Variants in CLSTN3 observed in about 807,000 individuals in gnomAD.
CLSTN3 encodes the protein calsyntenin 3.
A neutral mutation model predicts 95.9 loss-of-function variants in CLSTN3; 36 were observed. The observed-to-expected ratio is 0.38, with a 90% CI of 0.29 to 0.50. The LOEUF (loss-of-function observed/expected upper bound fraction) is 0.50. Ranked by LOEUF, CLSTN3 falls within the 20% of genes least tolerant of loss-of-function variation. The pLI, the probability that CLSTN3 is intolerant of heterozygous loss-of-function variation, is 0.95. For synonymous variants in CLSTN3, 481 were observed against 504.0 expected, an observed-to-expected ratio of 0.95 and a Z score of 0.61; for missense variants, 1,084 against 1,268.8, an observed-to-expected ratio of 0.85 and a Z score of 2.21.
chr12:7,137,793 T>TGAGAGA lies in CLSTN3; in HGVS notation c.1211-161_1211-160insAGAGAG, dbSNP rs1203227161. Among the ~76,000 whole-genome samples the TGAGAGA allele has an allele frequency of 8.4e-5, 6 of 71,334 alleles. No individual in the cohort carries two copies. The highest frequency in any genetic ancestry group is 5.3e-4 in the South Asian group (1 of 1,888). 46.8% of individuals were successfully genotyped at this position (71,334 alleles called of 152,430 possible). A position where few individuals can be genotyped will look rare whatever the true frequency, so the allele number is the denominator to read the frequency against. Reference sequence around the variant, plus strand: ...GTGTGTGTGTGTGTGTGTGTGTGTGTGTGAGAGAGAGAGAGAGAGAGAGAG... The same window carrying TGAGAGA: ...GTGTGTGTGTGTGTGTGTGTGTGTGTGAGAGAGTGAGAGAGAGAGAGAGAGAGAGAG... On this transcript the variant is annotated intron_variant, in intron 7 of 17. Coordinates refer to ENST00000266546, the MANE Select transcript of CLSTN3 (RefSeq NM_014718.4). This position sits in a 1 kb window ranked among gnomAD's most constrained non-coding sequence, Gnocchi z 4.4.
rs1429376870 is a variant in CLSTN3, at chr12:7,137,961, G to A, written c.1217G>A (p.Gly406Asp). ...CCCCTTCCTGTGCCCTCAGAGGACG[G>A]CTTCTCTCACTACTCGCTGACTGTC... ...IVCNTVQNED[G>D]FSHYSLTVHG... is the part of the protein sequence containing the mutation. The change falls in exon 8 of 18, where the codon GGC (glycine) becomes GAC (aspartate). Residue 406 changes from glycine (G) to aspartate (D), a missense_variant. Physicochemically the swap from Gly to Asp is moderately conservative, Grantham distance 94. Coordinates refer to ENST00000266546, the MANE Select transcript of CLSTN3 (RefSeq NM_014718.4). This position sits in a 1 kb window ranked among gnomAD's most constrained non-coding sequence, Gnocchi z 4.4. 3.1e-6 allele frequency: 5 copies of A among 1,613,486 alleles called. No individual in the cohort carries two copies.
intron 6 of CLSTN3, among the ~76,000 whole-genome samples, 175 bp from the exon 7 acceptor site, chr12:7,136,654 G>A (rs968910582): frequency 1.3e-5 from 2 of 152,226 alleles, no homozygotes; most frequent in South Asian, 4.1e-4. Context: ...GGGTTAACTG[G>A]AGAGATACTC....
rs1435615019 is a variant in CLSTN3, at chr12:7,135,519, C to A, written c.576C>A (p.Phe192Leu). Residue 192 changes from phenylalanine (F) to leucine (L), a missense_variant, in exon 4 of 18, where the codon TTC becomes TTA. Physicochemically the swap from Phe to Leu is conservative, Grantham distance 22. Transcript: ENST00000266546. The part of the protein sequence containing the change: ...YYEILTPNTP[F>L]LIDNDGNIEN... ...AGATTCTCACACCCAACACCCCTTT[C>A]CTCATTGACAATGACGGTGAGTCCA... 6.2e-7 allele frequency: 1 copy of A among 1,614,016 alleles called. No individual in the cohort carries two copies. Among genetic ancestry groups the A allele is most frequent in the Non-Finnish European group, 8.5e-7 (1 of 1,180,012 alleles).
chr12:7,134,673 C>G (rs918483839), intron 3 of CLSTN3, among the ~76,000 whole-genome samples: 1 of 152,236 alleles, frequency 6.6e-6, no homozygotes, highest in African/African-American at 2.4e-5. Flanking sequence ...TGCCATTTCC[C>G]TTCTTATGGC....
upstream of CLSTN3, chr12:7,130,321 A>T: frequency 3.2e-6 from 2 of 624,782 alleles, no homozygotes; most frequent in Non-Finnish European, 4.1e-6. Context: ...CCTCCCAGTC[A>T]CCTGATTGGC....
chr12:7,151,225 C>G (rs954798403), intron 16 of CLSTN3, 162 bp downstream of exon 16: 1 of 697,140 alleles, frequency 1.4e-6, no homozygotes, highest in Non-Finnish European at 2.2e-6. Flanking sequence ...GGACCAATCC[C>G]TCTCTCCCTT....
rs1372493476 is a variant in CLSTN3 at position 7,156,820 on chromosome 12, G to A, written c.2528-669G>A. ...GCCAGAAGCATGGGAGAGCCACGGGGGAGGCAGGTATGCCTCAGGGGGAGA... is the reference window on the plus strand; with the variant it reads ...GCCAGAAGCATGGGAGAGCCACGGGAGAGGCAGGTATGCCTCAGGGGGAGA... On this transcript the variant is annotated intron_variant, in intron 16 of 17. Coordinates refer to ENST00000266546, the MANE Select transcript of CLSTN3 (RefSeq NM_014718.4). 2.6e-5 allele frequency: 12 copies of A among 455,774 alleles called. No homozygotes were observed. In the East Asian group the frequency reaches 7.6e-4, roughly 29 times the overall value. The allele number at this position is 455,774 out of a possible 1,614,324, so 28.2% of individuals were successfully genotyped here. A position where few individuals can be genotyped will look rare whatever the true frequency, so the allele number is the denominator to read the frequency against.
rs1021536695 is a variant in CLSTN3, at chr12:7,150,701, G to A, written c.2391+12G>A. On this transcript the variant is annotated intron_variant, in intron 15 of 17. Coordinates refer to ENST00000266546, the MANE Select transcript of CLSTN3 (RefSeq NM_014718.4). This position sits in a 1 kb window ranked among gnomAD's most constrained non-coding sequence, Gnocchi z 4.0. ...AATTCATCGTGGAGGTACCCAGAGA[G>A]TCTCCTTCCTTCCACAGTTACCCAC... 3 of 1,610,280 alleles carry A rather than the reference G, an allele frequency of 1.9e-6. No individual in the cohort carries two copies. Among genetic ancestry groups the A allele is most frequent in the African/African-American group, 1.3e-5 (1 of 74,898 alleles).
chr12:7,131,717 C>T, intron 1 of CLSTN3: 1 of 452,774 alleles, frequency 2.2e-6, no homozygotes, highest in Non-Finnish European at 4.4e-6. Flanking sequence ...GCTCTCTCTT[C>T]CTTGCCTGCA....
intron 10 of CLSTN3, among the ~76,000 whole-genome samples, chr12:7,142,523 C>G (rs375666617): frequency 6.6e-6 from 1 of 152,154 alleles, no homozygotes; most frequent in South Asian, 2.1e-4. Flanking sequence ...CCGCCTCCCC[C>G]TCCCTCCTTG....
chr12:7,147,715 A>G (rs1199926615), intron 12 of CLSTN3, among the ~76,000 whole-genome samples: 5 of 151,654 alleles, frequency 3.3e-5, no homozygotes, highest in Non-Finnish European at 5.9e-5. Flanking sequence ...GGGTTTCACT[A>G]TGTTGCCCAG....
In CLSTN3 at chr12:7,130,404, A is replaced by G. The variant is rs1939273140; in HGVS notation, c.-245A>G. On this transcript the variant is annotated 5_prime_UTR_variant, in exon 1 of 18. Coordinates refer to ENST00000266546, the MANE Select transcript of CLSTN3 (RefSeq NM_014718.4). ...GTAGCGGGGTTGGGGTGGGAGTGAG[A>G]GAGTGAGGACGCTGGGCTGGGGGAA... The G allele has an allele frequency of 3.6e-5, 50 of 1,390,494 alleles. No individual in the cohort carries two copies. In the South Asian group the frequency reaches 6.0e-4, roughly 17 times the overall value. The allele number at this position is 1,390,494 out of a possible 1,614,324, so 86.1% of individuals were successfully genotyped here.
Position 7,134,816 on chromosome 12 carries a change from G to A in CLSTN3, c.384-511G>A, listed in dbSNP as rs115347198. Among the ~76,000 whole-genome samples the A allele has an allele frequency of 8.0e-3, 1,221 of 152,292 alleles. 18 individuals are homozygous for A. The highest frequency in any genetic ancestry group is 0.028 in the African/African-American group (1,146 of 41,550). On this transcript the variant is annotated intron_variant, in intron 3 of 17. Coordinates refer to ENST00000266546, the MANE Select transcript of CLSTN3 (RefSeq NM_014718.4). ...ACCCTGACCCATAGCATTTTGCACAGAAGTCATCAAAATCAGCTCCTGAGC... is the reference window on the plus strand; with the variant it reads ...ACCCTGACCCATAGCATTTTGCACAAAAGTCATCAAAATCAGCTCCTGAGC...
chr12:7,136,787 G>C, intron 6 of CLSTN3, 42 bp from the exon 7 acceptor site: 1 of 1,602,602 alleles, frequency 6.2e-7, no homozygotes, highest in Non-Finnish European at 8.5e-7. Flanking sequence ...ACCATCTGCT[G>C]CTTCTTGGCT....
At chr12:7,131,453 C>A (rs1939299286) in intron 1 of CLSTN3, 1 of 244,180 alleles carries the variant, frequency 4.1e-6, no homozygotes. Flanking sequence ...AGGAGAAGAC[C>A]GGAGATGAGG....
At position 7,150,796 on chromosome 12, in the gene CLSTN3, G is replaced by T; in HGVS notation, c.2391+107G>T. ...GTGGGCATGGACATGGCAGCGTGGA[G>T]GGCTGCTGGACCTTGCAGTGGGTGG... On this transcript the variant is annotated intron_variant, in intron 15 of 17. Coordinates refer to ENST00000266546, the MANE Select transcript of CLSTN3 (RefSeq NM_014718.4). This position sits in a 1 kb window ranked among gnomAD's most constrained non-coding sequence, Gnocchi z 4.0. 6.4e-7 allele frequency: 1 copy of T among 1,557,236 alleles called. No homozygotes were observed. The highest frequency in any genetic ancestry group is 1.3e-5 in the African/African-American group (1 of 74,226).
intron 12 of CLSTN3, among the ~76,000 whole-genome samples, chr12:7,144,290 T>C (rs954608919): frequency 2.0e-5 from 3 of 152,012 alleles, no homozygotes; most frequent in Non-Finnish European, 4.4e-5. Flanking sequence ...TGAATGACTT[T>C]TGGAGTCTTT....
chr12:7,140,400 A>C (rs1217875936), intron 8 of CLSTN3, among the ~76,000 whole-genome samples: 1 of 152,148 alleles, frequency 6.6e-6, no homozygotes. Context: ...CCAGTGTATA[A>C]CTATGGTACC....
Position 7,149,745 on chromosome 12 carries a change from A to T in CLSTN3, c.2245+52A>T, listed in dbSNP as rs770342258. On this transcript the variant is annotated intron_variant, in intron 14 of 17. Transcript: ENST00000266546. The surrounding 1 kb of genome is among the most constrained non-coding windows in gnomAD (Gnocchi z 4.5). The stretch of plus-strand genomic sequence containing the variant: ...CTGTGTGTGTGTGCCCCTCCCAAAA[A>T]GTAAGGGCCTAGGAAGCCCAGAGGG... 36 of 1,549,640 alleles carry T rather than the reference A, an allele frequency of 2.3e-5. No individual in the cohort carries two copies. Among genetic ancestry groups the T allele is most frequent in the Non-Finnish European group, 2.4e-5 (27 of 1,137,672 alleles).
Sources: gnomAD v4.1 joint callset for allele counts (sites outside exome capture counted in the v4.1 genomes callset) on GRCh38, gnomAD v4.1.1 for gene constraint, Gnocchi (gnomAD v3.1) non-coding constraint, MANE v1.5 for transcripts, NCBI Gene and HGNC (gene_info 2026-07-23, HGNC 2026-07-21) for gene names.